The following CDK14 variants were observed in gnomAD, a reference collection of about 807,000 sequenced individuals.
The protein encoded by CDK14 is cyclin dependent kinase 14.
A neutral mutation model predicts 60.7 loss-of-function variants in CDK14; 34 were observed. The observed-to-expected ratio is 0.56, with a 90% CI of 0.43 to 0.75. The LOEUF is 0.75. Among genes scored for constraint, CDK14 ranks in the 30% least tolerant of loss-of-function variants. The pLI, the probability that CDK14 is intolerant of heterozygous loss-of-function variation, is 0.00. For missense variants in CDK14, 482 were observed against 564.1 expected (o/e 0.85, Z 1.47); for synonymous variants, 197 against 203.7 (o/e 0.97, Z 0.28).
At chr7:91,159,734 C>T (rs1403893144) in intron 14 of CDK14, among the ~76,000 whole-genome samples, 1 of 152,130 alleles carries the variant, frequency 6.6e-6, no homozygotes, top group Non-Finnish European at 1.5e-5. Flanking sequence ...AAGAGTCCGC[C>T]AGAAGTTAGG....
At chr7:90,946,635 G>A (rs1318625723) in intron 8 of CDK14, among the ~76,000 whole-genome samples, 1 of 152,082 alleles carries the variant, frequency 6.6e-6, no homozygotes, top group Non-Finnish European at 1.5e-5. Flanking sequence ...GTTCATGTTT[G>A]AAAGTAGTTG....
intron 6 of CDK14, among the ~76,000 whole-genome samples, chr7:90,868,166 C>T (rs764235218): frequency 2.0e-5 from 3 of 151,764 alleles, no homozygotes; most frequent in Non-Finnish European, 2.9e-5. Flanking sequence ...TATGCATTCA[C>T]CCATAATACC....
At chr7:90,788,076 C>G (rs117638749) in intron 4 of CDK14, among the ~76,000 whole-genome samples, 1 of 152,134 alleles carries the variant, frequency 6.6e-6, no homozygotes, top group Non-Finnish European at 1.5e-5. Flanking sequence ...TTCCTATATT[C>G]CAGAACTCAG....
chr7:90,601,910 G>A (rs899025952), intron 1 of CDK14, among the ~76,000 whole-genome samples: 2 of 146,968 alleles, frequency 1.4e-5, no homozygotes, highest in Non-Finnish European at 1.5e-5. Flanking sequence ...CCACCACCAC[G>A]CTTGGCTAAT....
At chr7:90,762,130 A>G (rs1003237026) in intron 4 of CDK14, among the ~76,000 whole-genome samples, 2 of 152,194 alleles carry the variant, frequency 1.3e-5, no homozygotes, top group African/African-American at 4.8e-5. Flanking sequence ...TGTTGAGGAG[A>G]GGACATTTAT....
At chr7:90,900,385 G>A (rs775485293) in intron 7 of CDK14, among the ~76,000 whole-genome samples, 1 of 152,084 alleles carries the variant, frequency 6.6e-6, no homozygotes, top group Non-Finnish European at 1.5e-5. Context: ...TCTTAAAAAT[G>A]TGTAACCATT....
intron 12 of CDK14, among the ~76,000 whole-genome samples, chr7:91,104,249 C>T (rs1799224209): frequency 6.6e-6 from 1 of 152,118 alleles, no homozygotes; most frequent in African/African-American, 2.4e-5. Context: ...CAGCCTGAGG[C>T]AGATTCTCAC....
intron 6 of CDK14, among the ~76,000 whole-genome samples, chr7:90,869,028 A>G (rs1035439649): frequency 6.6e-6 from 1 of 152,228 alleles, no homozygotes; most frequent in Non-Finnish European, 1.5e-5. Context: ...TCAACTTGCT[A>G]CAGAATTTAC....
intron 5 of CDK14, among the ~76,000 whole-genome samples, chr7:90,826,156 C>CCAGTTGT (rs1789714629): frequency 6.6e-6 from 1 of 152,128 alleles, no homozygotes; most frequent in Non-Finnish European, 1.5e-5. Flanking sequence ...AACTTTGCAA[C>CCAGTTGT]CAGTTGTCCA....
At chr7:91,159,444 C>T (rs78572894) in intron 14 of CDK14, among the ~76,000 whole-genome samples, 2 of 152,194 alleles carry the variant, frequency 1.3e-5, no homozygotes, top group African/African-American at 4.8e-5. Context: ...ATATGAATAA[C>T]TTAGCATCAT....
chr7:91,071,225 A>G (rs941355422), intron 11 of CDK14, among the ~76,000 whole-genome samples: 13 of 152,230 alleles, frequency 8.5e-5, no homozygotes, highest in Admixed American at 1.3e-4. Context: ...CCAAAAGAAA[A>G]AGAATAATTT....
intron 12 of CDK14, among the ~76,000 whole-genome samples, chr7:91,097,187 C>G (rs1284203456): frequency 1.3e-5 from 2 of 152,014 alleles, no homozygotes; most frequent in Non-Finnish European, 2.9e-5. Flanking sequence ...TCGAGACCAG[C>G]CTGGCCAACA....
At chr7:90,940,803 A>G (rs1026719770) in intron 8 of CDK14, among the ~76,000 whole-genome samples, 2 of 152,028 alleles carry the variant, frequency 1.3e-5, no homozygotes, top group Non-Finnish European at 2.9e-5. Context: ...AAAAGTGTAT[A>G]TCTATCTATA....
chr7:91,091,750 GAAGGAAGGAAGGAAGT>G (rs79270040), intron 12 of CDK14, among the ~76,000 whole-genome samples: 4,520 of 96,638 alleles, frequency 0.047, 153 homozygotes, highest in Admixed American at 0.13. Context: ...AGGAAGGAAG[GAAGGAAGGAAGGAAGT>G]AAGTTATTTT....
At chr7:91,016,249 T>G (rs954612894) in intron 10 of CDK14, among the ~76,000 whole-genome samples, 2 of 152,110 alleles carry the variant, frequency 1.3e-5, no homozygotes, top group African/African-American at 4.8e-5. Context: ...TTTTCTCTGC[T>G]GACAAAACAT....
At chr7:91,040,488 G>A (rs182101609) in intron 10 of CDK14, among the ~76,000 whole-genome samples, 4 of 152,276 alleles carry the variant, frequency 2.6e-5, no homozygotes, top group African/African-American at 9.6e-5. Flanking sequence ...TTATATGTGT[G>A]GACTTTCAGA....
chr7:91,044,683 C>T (rs1292275375), intron 10 of CDK14, among the ~76,000 whole-genome samples: 1 of 152,042 alleles, frequency 6.6e-6, no homozygotes, highest in African/African-American at 2.4e-5. Context: ...TGGTTTACAC[C>T]TCTCATAATA....
chr7:90,834,018 T>C (rs892078249), intron 5 of CDK14, among the ~76,000 whole-genome samples: 3 of 152,214 alleles, frequency 2.0e-5, no homozygotes, highest in African/African-American at 7.2e-5. Context: ...AAGGCTGTTC[T>C]GGCAGTGACT....
intron 2 of CDK14, among the ~76,000 whole-genome samples, chr7:90,684,590 C>G (rs1190851566): frequency 6.6e-6 from 1 of 152,122 alleles, no homozygotes; most frequent in Non-Finnish European, 1.5e-5. Context: ...CCTCTAGTGT[C>G]CTGTCCAGTC....
Sources: allele counts gnomAD v4.1 joint callset (sites outside exome capture counted in the v4.1 genomes callset), GRCh38; gene constraint gnomAD v4.1.1; transcripts MANE v1.5; gene names NCBI Gene and HGNC (gene_info 2026-07-23, HGNC 2026-07-21).